Variants in CACNA1E observed in about 807,000 individuals in gnomAD.
The protein encoded by CACNA1E is calcium voltage-gated channel subunit alpha1 E.
Under a neutral mutation model 259.2 loss-of-function variants are expected in CACNA1E, and 40 were observed. The observed-to-expected ratio is 0.15, with a 90% CI of 0.12 to 0.20. The LOEUF (loss-of-function observed/expected upper bound fraction) is 0.20, where lower values mean the gene tolerates loss of function less well. Among genes scored for constraint, CACNA1E ranks in the 10% least tolerant of loss-of-function variants. The probability of loss-of-function intolerance (pLI) is 1.00; values close to 1 mark genes in which losing one functional copy is unlikely to be tolerated. For synonymous variants in CACNA1E, 1,104 were observed against 1,138.5 expected, an observed-to-expected ratio of 0.97 and a Z score of 0.61; for missense variants, 1,874 against 3,040.1, an observed-to-expected ratio of 0.62 and a Z score of 9.02.
chr1:181,547,889 G>A (rs1647669577), intron 3 of CACNA1E, among the ~76,000 whole-genome samples: 1 of 152,008 alleles, frequency 6.6e-6, no homozygotes, highest in African/African-American at 2.4e-5. Context: ...AATATCTTTT[G>A]TAGCCCACAG....
intron 3 of CACNA1E, among the ~76,000 whole-genome samples, chr1:181,545,168 G>A (rs1385943825): frequency 6.6e-6 from 1 of 152,146 alleles, no homozygotes. Flanking sequence ...ACCAACCCCA[G>A]GACAGTAGTT....
Position 181,582,661 on chromosome 1 carries a change from C to T in CACNA1E, c.951+1885C>T, listed in dbSNP as rs573656373. On this transcript the variant is annotated intron_variant, in intron 6 of 47. Transcript: ENST00000367573. ...TTCTTTATTAGTTTCTTTGTTCATT[C>T]CTTCATTCTTTCTGTGTTTATTAAC... 1.5e-4 allele frequency among the ~76,000 whole-genome samples: 23 copies of T among 152,260 alleles called. 1 individual carries two copies. The South Asian group carries it at 1.9e-3, about 12-fold the overall frequency.
intron 3 of CACNA1E, among the ~76,000 whole-genome samples, chr1:181,517,899 G>T (rs1463885921): frequency 6.6e-6 from 1 of 152,176 alleles, no homozygotes; most frequent in African/African-American, 2.4e-5. Context: ...GAATGTGGGG[G>T]AAGAGTTGTG....
intron 25 of CACNA1E, among the ~76,000 whole-genome samples, chr1:181,745,631 A>G (rs1041243799): frequency 6.6e-6 from 1 of 152,190 alleles, no homozygotes; most frequent in African/African-American, 2.4e-5. Flanking sequence ...CTTGGGGACC[A>G]TCAACACAGA....
At chr1:181,452,811 C>A (rs1661245714) in intron 2 of CACNA1E, among the ~76,000 whole-genome samples, 1 of 152,218 alleles carries the variant, frequency 6.6e-6, no homozygotes, top group African/African-American at 2.4e-5. Flanking sequence ...AGCCTATTCC[C>A]TCTGGATCTT....
intron 2 of CACNA1E, among the ~76,000 whole-genome samples, chr1:181,420,851 A>G (rs1401028194): frequency 6.6e-6 from 1 of 152,168 alleles, no homozygotes; most frequent in Non-Finnish European, 1.5e-5. Flanking sequence ...TAATCATAGT[A>G]CTTAGCACAC....
intron 3 of CACNA1E, among the ~76,000 whole-genome samples, chr1:181,571,174 A>T (rs773594625): frequency 1.7e-4 from 26 of 152,144 alleles, no homozygotes; most frequent in Admixed American, 5.2e-4. Flanking sequence ...TCCTTTTTCC[A>T]GGTAAGAAAA....
At position 181,367,837 on chromosome 1, in the gene CACNA1E, A is replaced by G. The variant is rs866593362; in HGVS notation, c.-14-45296A>G. Among the ~76,000 whole-genome samples, 3 of 152,234 alleles carry G rather than the reference A, an allele frequency of 2.0e-5. No homozygotes were observed. The South Asian group carries it at 6.2e-4, about 32-fold the overall frequency. On this transcript the variant is annotated intron_variant, in intron 1 of 11. Transcript: ENST00000524607. ...ATAGAAATATGCCAATTTATTTATA[A>G]TTTACTTTGGTTTCTTTGAAAATAA...
intron 45 of CACNA1E, 116 bp from the exon 46 acceptor site, chr1:181,794,748 T>G: frequency 1.2e-6 from 1 of 832,464 alleles, no homozygotes; most frequent in Non-Finnish European, 1.9e-6. Flanking sequence ...GAAGTTACCA[T>G]TTCCAGGGGT....
At chr1:181,511,129 G>GTCTA (rs1392852129) in intron 2 of CACNA1E, among the ~76,000 whole-genome samples, 1 of 152,192 alleles carries the variant, frequency 6.6e-6, no homozygotes, top group Non-Finnish European at 1.5e-5. Flanking sequence ...TGGGAAGGAA[G>GTCTA]TCTAGCCCCT....
At chr1:181,639,092 CTT>C (rs869207328) in intron 6 of CACNA1E, among the ~76,000 whole-genome samples, 2 of 144,862 alleles carry the variant, frequency 1.4e-5, no homozygotes, top group Admixed American at 6.9e-5. Flanking sequence ...GAGTAGATGC[CTT>C]TTTTTTTTTT....
intron 6 of CACNA1E, among the ~76,000 whole-genome samples, chr1:181,649,132 T>C (rs1027587431): frequency 8.5e-5 from 13 of 152,182 alleles, no homozygotes; most frequent in African/African-American, 3.1e-4. Flanking sequence ...CCTCAACAAC[T>C]CTTGGCATCT....
intron 2 of CACNA1E, among the ~76,000 whole-genome samples, chr1:181,450,444 GTA>G (rs139859401): frequency 2.1e-5 from 3 of 141,526 alleles, no homozygotes; most frequent in Non-Finnish European, 1.6e-5. Flanking sequence ...GTGTGTGTGT[GTA>G]TGTGTGTGTG....
intron 7 of CACNA1E, among the ~76,000 whole-genome samples, chr1:181,707,514 T>C (rs985075982): frequency 9.9e-5 from 15 of 152,148 alleles, no homozygotes; most frequent in African/African-American, 3.6e-4. Context: ...AAAGGGAGGT[T>C]AGACGGGGGT....
intron 16 of CACNA1E, among the ~76,000 whole-genome samples, chr1:181,722,182 C>A (rs1275304839): frequency 6.6e-6 from 1 of 152,132 alleles, no homozygotes; most frequent in Non-Finnish European, 1.5e-5. Flanking sequence ...AAGCAGAGAT[C>A]ACTGTAGGCT....
At chr1:181,347,843 G>C (rs1652724863) in intron 1 of CACNA1E, among the ~76,000 whole-genome samples, 1 of 152,250 alleles carries the variant, frequency 6.6e-6, no homozygotes. Flanking sequence ...GGTGAGAAGT[G>C]CTCTAAGACA....
intron 38 of CACNA1E, chr1:181,779,394 T>C: frequency 2.5e-6 from 1 of 394,154 alleles, no homozygotes; most frequent in South Asian, 1.9e-5. Flanking sequence ...TCATTTCTTT[T>C]CTACCCTTCT....
chr1:181,755,200 A>G lies in CACNA1E; in HGVS notation c.3829-37A>G, dbSNP rs774553183. The G allele has an allele frequency of 5.0e-6, 8 of 1,587,692 alleles. No individual in the cohort carries two copies. In the East Asian group the frequency reaches 1.4e-4, roughly 27 times the overall value. On this transcript the variant is annotated intron_variant, in intron 27 of 47. Coordinates refer to ENST00000367573, the MANE Select transcript of CACNA1E (RefSeq NM_001205293.3). The stretch of plus-strand genomic sequence containing the variant: ...TCTAGGCAAGTATGCAGACCATCAC[A>G]GGGTTCACACAGCAGGGCTGTTTGC...
intron 22 of CACNA1E, among the ~76,000 whole-genome samples, chr1:181,737,010 T>G (rs1281926210): frequency 1.3e-5 from 2 of 152,182 alleles, no homozygotes; most frequent in Non-Finnish European, 2.9e-5. Flanking sequence ...GGGAGCAACC[T>G]GAGTTAAGGC....
Sources: gnomAD v4.1 joint callset for allele counts (sites outside exome capture counted in the v4.1 genomes callset) on GRCh38, gnomAD v4.1.1 for gene constraint, MANE v1.5 for transcripts, NCBI Gene and HGNC (gene_info 2026-07-23, HGNC 2026-07-21) for gene names.